INTS15: variants seen among roughly 807,000 people sequenced by gnomAD.
The protein encoded by INTS15 is uncharacterized protein C7orf26.
the INTS15 span, among the ~76,000 whole-genome samples, chr7:6,592,237 T>TA: frequency 6.6e-6 from 1 of 151,984 alleles, no homozygotes; most frequent in Non-Finnish European, 1.5e-5. Context: ...CTCATTTAAT[T>TA]AGATTTCTGG....
At chr7:6,596,517 T>C in the INTS15 span, among the ~76,000 whole-genome samples, 38 of 151,308 alleles carry the variant, frequency 2.5e-4, no homozygotes, top group East Asian at 5.1e-3. Flanking sequence ...TAGCTGGGAT[T>C]GTAGGTGTGC....
the INTS15 span, among the ~76,000 whole-genome samples, chr7:6,604,669 A>G: frequency 6.6e-6 from 1 of 152,186 alleles, no homozygotes; most frequent in Non-Finnish European, 1.5e-5. Flanking sequence ...AGCGCTGGGC[A>G]GCGCTCGCAG....
chr7:6,599,636 T>C, the INTS15 span, among the ~76,000 whole-genome samples: 1 of 152,188 alleles, frequency 6.6e-6, no homozygotes, highest in Non-Finnish European at 1.5e-5. Flanking sequence ...TGACAGTGAC[T>C]GAGATGAGAC....
chr7:6,602,297 A>G, the INTS15 span: 5 of 589,310 alleles, frequency 8.5e-6, no homozygotes, highest in South Asian at 8.6e-5. Flanking sequence ...AATGGAACTC[A>G]AGTAGAAAGT....
At chr7:6,593,548 A>G in the INTS15 span, among the ~76,000 whole-genome samples, 39 of 151,210 alleles carry the variant, frequency 2.6e-4, 1 homozygote, top group Non-Finnish European at 2.9e-4. Flanking sequence ...GTTAGCCAGG[A>G]TGGTCTCGAT....
chr7:6,606,049 C>G, the INTS15 span, among the ~76,000 whole-genome samples: 10,766 of 152,178 alleles, frequency 0.071, 724 homozygotes, highest in African/African-American at 0.17. Flanking sequence ...TCCAAATAGA[C>G]TGGAAACTTC....
At chr7:6,592,496 G>A in the INTS15 span, among the ~76,000 whole-genome samples, 1 of 151,866 alleles carries the variant, frequency 6.6e-6, no homozygotes, top group Non-Finnish European at 1.5e-5. Flanking sequence ...GAATATGGGA[G>A]GCGGAGGTTG....
At chr7:6,604,650 C>A in the INTS15 span, among the ~76,000 whole-genome samples, 3 of 152,190 alleles carry the variant, frequency 2.0e-5, no homozygotes, top group African/African-American at 7.2e-5. Flanking sequence ...GTGTCAGGTC[C>A]AGCAGCAGAG....
chr7:6,592,054 C>T, the INTS15 span, among the ~76,000 whole-genome samples: 1 of 151,882 alleles, frequency 6.6e-6, no homozygotes, highest in South Asian at 2.1e-4. Context: ...ACCTGTAACC[C>T]CAGCTACTCA....
chr7:6,605,951 G>A, the INTS15 span, among the ~76,000 whole-genome samples: 22 of 152,048 alleles, frequency 1.4e-4, no homozygotes, highest in Admixed American at 1.3e-3. Flanking sequence ...TGCCTTCCTC[G>A]GCATCCAAAA....
chr7:6,602,570 A>G, the INTS15 span: 1 of 426,100 alleles, frequency 2.3e-6, no homozygotes, highest in Non-Finnish European at 4.9e-6. Context: ...CCTGTCTGGG[A>G]TTGGCTGTGA....
chr7:6,600,094 C>G, the INTS15 span: 1 of 1,614,254 alleles, frequency 6.2e-7, no homozygotes, highest in Non-Finnish European at 8.5e-7. Context: ...TGGACAGAGA[C>G]TCCCACCTCT....
chr7:6,608,393 C>G, the INTS15 span: 1 of 1,398,166 alleles, frequency 7.2e-7, no homozygotes, highest in Admixed American at 3.2e-5. Flanking sequence ...CTGCTGCGTG[C>G]ATTTTTAAAA....
chr7:6,607,389 C>G, the INTS15 span: 1 of 329,152 alleles, frequency 3.0e-6, no homozygotes, highest in Admixed American at 4.9e-5. This position sits in a 1 kb window ranked among gnomAD's most constrained non-coding sequence, Gnocchi z 6.0. Context: ...GGGTGCTGGG[C>G]GGGGTGGGTG....
chr7:6,604,639 C>T, the INTS15 span, among the ~76,000 whole-genome samples: 29 of 152,142 alleles, frequency 1.9e-4, no homozygotes, highest in Non-Finnish European at 3.8e-4. Context: ...GCCCAGTGGC[C>T]GTGTCAGGTC....
chr7:6,599,754 G>A, the INTS15 span: 1 of 1,467,902 alleles, frequency 6.8e-7, no homozygotes, highest in Non-Finnish European at 9.3e-7. Flanking sequence ...CTTGGGGTCA[G>A]GCTTCCCTCT....
chr7:6,590,271 C>T, the INTS15 span: 15 of 1,508,730 alleles, frequency 9.9e-6, no homozygotes, highest in Admixed American at 2.2e-5. Context: ...GCGGGGGCCG[C>T]GGCGGCCGCA....
At chr7:6,607,882 G>C in the INTS15 span, 2 of 1,569,906 alleles carry the variant, frequency 1.3e-6, no homozygotes, top group Admixed American at 1.8e-5. The surrounding 1 kb of genome is among the most constrained non-coding windows in gnomAD (Gnocchi z 6.0). Context: ...GGGTGCGGGG[G>C]GACGGGGTCA....
the INTS15 span, chr7:6,602,225 G>A: frequency 8.8e-7 from 1 of 1,133,530 alleles, no homozygotes; most frequent in Non-Finnish European, 1.3e-6. Context: ...CTTTGTCCTG[G>A]GTTCTTTGGG....
Sources: allele counts gnomAD v4.1 joint callset (sites outside exome capture counted in the v4.1 genomes callset), GRCh38; gene constraint gnomAD v4.1.1; non-coding constraint Gnocchi (gnomAD v3.1); transcripts MANE v1.5; gene names NCBI Gene and HGNC (gene_info 2026-07-23, HGNC 2026-07-21).